The following MYO1H variants were observed in gnomAD, a reference collection of about 807,000 sequenced individuals.
MYO1H encodes unconventional myosin-Ih.
In MYO1H, 118 loss-of-function variants were observed where a neutral mutation model predicts 149.3. That is an observed-to-expected ratio of 0.79 (90% confidence interval 0.68 to 0.92). MYO1H has a LOEUF of 0.92. MYO1H is among the 40% of genes least tolerant of loss of function. MYO1H has a pLI of 0.00. For missense variants in MYO1H, 1,212 were observed against 1,280.7 expected, an observed-to-expected ratio of 0.95 and a Z score of 0.82; for synonymous variants, 447 against 465.2, an observed-to-expected ratio of 0.96 and a Z score of 0.50.
chr12:109,343,315 G>A (rs150514704), upstream of MYO1H, among the ~76,000 whole-genome samples: 1 of 152,126 alleles, frequency 6.6e-6, no homozygotes, highest in Non-Finnish European at 1.5e-5. Flanking sequence ...ATAAACTTCT[G>A]TGTAGAATGC....
rs142265037 is a variant in MYO1H at position 109,367,078 on chromosome 12, T to C, written c.12+19106T>C. ...GGATACTCAACCTGTATGTCAATTG[T>C]TATTTTATCATCTGCTACTTCCAGG... On this transcript the variant is annotated intron_variant, in intron 1 of 31. Transcript: ENST00000310903. Among the ~76,000 whole-genome samples, 131 of 152,344 alleles carry C rather than the reference T, an allele frequency of 8.6e-4. 1 individual carries two copies. The highest frequency in any genetic ancestry group is 3.0e-3 in the African/African-American group (123 of 41,584).
rs550655352 is a variant in MYO1H at position 109,363,791 on chromosome 12, A to C, written c.12+15819A>C. Among the ~76,000 whole-genome samples, 6 of 152,256 alleles carry C rather than the reference A, an allele frequency of 3.9e-5. No individual in the cohort carries two copies. The East Asian group carries it at 1.2e-3, about 29-fold the overall frequency. Reference sequence around the variant, plus strand: ...TACCTCTGGGAGAAGTCAGAGGAGGAGGCATAGATGCTGGTGGAGGAAAAA... The same window carrying C: ...TACCTCTGGGAGAAGTCAGAGGAGGCGGCATAGATGCTGGTGGAGGAAAAA... On this transcript the variant is annotated intron_variant, in intron 1 of 31. Coordinates refer to ENST00000310903, the Ensembl canonical transcript of MYO1H.
intron 1 of MYO1H, among the ~76,000 whole-genome samples, chr12:109,363,756 C>T (rs906957359): frequency 1.3e-5 from 2 of 151,726 alleles, no homozygotes; most frequent in Admixed American, 6.6e-5. Flanking sequence ...GTCCCACCTG[C>T]GAGAAGATGT....
chr12:109,402,527 G>A (rs1870208657), intron 6 of MYO1H, among the ~76,000 whole-genome samples: 1 of 152,158 alleles, frequency 6.6e-6, no homozygotes, highest in Non-Finnish European at 1.5e-5. Flanking sequence ...CAACACTTTG[G>A]GAGGCCAAGG....
At position 109,435,123 on chromosome 12, in the gene MYO1H, C is replaced by A. The variant is rs376320061; in HGVS notation, c.2140+10C>A. ...AGTAAACATCAACTAGGTATGATTT[C>A]TTTTTCTGTCCCGATTTCAATAGAA... On this transcript the variant is annotated intron_variant, in intron 21 of 31. Coordinates refer to ENST00000310903, the Ensembl canonical transcript of MYO1H. 20 of 1,559,136 alleles carry A rather than the reference C, an allele frequency of 1.3e-5. No individual in the cohort carries two copies. Among genetic ancestry groups the A allele is most frequent in the Non-Finnish European group, 1.7e-5 (19 of 1,137,438 alleles).
At chr12:109,408,225 G>A (rs1026339712) in intron 10 of MYO1H, among the ~76,000 whole-genome samples, 2 of 151,748 alleles carry the variant, frequency 1.3e-5, no homozygotes, top group Non-Finnish European at 2.9e-5. Flanking sequence ...CTCAGGCTGG[G>A]GTGCAGTGGT....
rs1491295494 is a variant in MYO1H at position 109,443,103 on chromosome 12, CGT to C, written c.2689-410_2689-409del. Reference sequence around the variant, plus strand: ...GTACGTATGTGTGTATATATGTGTACGTATATGTGTGTATATGTGTACGTATA... The same window carrying C: ...GTACGTATGTGTGTATATATGTGTACATATGTGTGTATATGTGTACGTATA... On this transcript the variant is annotated intron_variant, in intron 27 of 31. Coordinates refer to ENST00000310903, the Ensembl canonical transcript of MYO1H. Among the ~76,000 whole-genome samples the C allele has an allele frequency of 2.3e-4, 15 of 64,384 alleles. 1 individual carries two copies. The highest frequency in any genetic ancestry group is 1.0e-3 in the South Asian group (2 of 1,978). 42.2% of individuals were successfully genotyped at this position (64,384 alleles called of 152,430 possible).
chr12:109,350,916 G>A (rs891973908), intron 1 of MYO1H, among the ~76,000 whole-genome samples: 9 of 152,098 alleles, frequency 5.9e-5, no homozygotes, highest in Non-Finnish European at 1.3e-4. Context: ...TCTAAACCAG[G>A]ACAAATAATG....
At chr12:109,380,733 G>C (rs959360420) in intron 1 of MYO1H, among the ~76,000 whole-genome samples, 1 of 152,154 alleles carries the variant, frequency 6.6e-6, no homozygotes, top group Non-Finnish European at 1.5e-5. Flanking sequence ...ATCACTTCAG[G>C]TCAGGAGTTC....
At chr12:109,420,620 C>T (rs1376488886) in intron 15 of MYO1H, among the ~76,000 whole-genome samples, 1 of 152,218 alleles carries the variant, frequency 6.6e-6, no homozygotes, top group East Asian at 1.9e-4. Flanking sequence ...ATGATCCAAT[C>T]ACCCCCAACC....
the MYO1H span, among the ~76,000 whole-genome samples, chr12:109,326,378 G>C: frequency 6.6e-6 from 1 of 151,978 alleles, no homozygotes; most frequent in Admixed American, 6.5e-5. Flanking sequence ...CTCCACATGG[G>C]GGATGAGGAA....
intron 6 of MYO1H, 104 bp downstream of exon 6, chr12:109,401,376 G>C (rs1246355891): frequency 3.4e-6 from 4 of 1,187,282 alleles, no homozygotes; most frequent in Non-Finnish European, 4.7e-6. Context: ...TTACCATCCT[G>C]CTATGTGTCC....
chr12:109,428,194 C>T (rs558768857), intron 19 of MYO1H, among the ~76,000 whole-genome samples: 29 of 151,790 alleles, frequency 1.9e-4, no homozygotes, highest in Non-Finnish European at 3.5e-4. Flanking sequence ...AGGCCAAGTG[C>T]GTAGATCTGC....
In MYO1H at chr12:109,397,827, C is replaced by G; in HGVS notation, c.570+15C>G. ...TTGATTTTCAGGTACACTGAAGCTCCTATTACTGGTTCATGGGGACCCCTT... is the reference window on the plus strand; with the variant it reads ...TTGATTTTCAGGTACACTGAAGCTCGTATTACTGGTTCATGGGGACCCCTT... On this transcript the variant is annotated intron_variant, in intron 5 of 31. Transcript: ENST00000310903. 6.3e-7 allele frequency: 1 copy of G among 1,588,610 alleles called. No individual in the cohort carries two copies. The highest frequency in any genetic ancestry group is 2.3e-5 in the East Asian group (1 of 43,658).
intron 8 of MYO1H, 123 bp from the exon 9 acceptor site, chr12:109,406,666 A>T: frequency 1.2e-6 from 1 of 844,102 alleles, no homozygotes; most frequent in Non-Finnish European, 1.9e-6. Context: ...AGTTACAATG[A>T]GCTATGATTG....
intron 25 of MYO1H, 109 bp downstream of exon 25, chr12:109,440,936 A>C (rs1592821317): frequency 1.3e-6 from 1 of 782,928 alleles, no homozygotes; most frequent in East Asian, 2.7e-5. Context: ...GGGTCATGCT[A>C]GTCCCATGCT....
chr12:109,443,379 CACACACACACACACAT>C, intron 27 of MYO1H, 119 bp from the exon 28 acceptor site: 1 of 816,286 alleles, frequency 1.2e-6, no homozygotes, highest in Non-Finnish European at 1.9e-6. Context: ...CACACACACA[CACACACACACACACAT>C]ACACGCAAAA....
upstream of MYO1H, among the ~76,000 whole-genome samples, chr12:109,346,036 C>T (rs2048101641): frequency 6.6e-6 from 1 of 152,168 alleles, no homozygotes. Context: ...GATTGCACAA[C>T]ATTGTGAATC....
intron 2 of MYO1H, among the ~76,000 whole-genome samples, chr12:109,393,098 G>A (rs190419595): frequency 2.6e-5 from 4 of 152,144 alleles, no homozygotes; most frequent in South Asian, 4.1e-4. Context: ...ATGATCCACC[G>A]CGCCCGGCCA....
Sources: gnomAD v4.1 joint callset for allele counts (sites outside exome capture counted in the v4.1 genomes callset) on GRCh38, gnomAD v4.1.1 for gene constraint, MANE v1.5 for transcripts, NCBI Gene and HGNC (gene_info 2026-07-23, HGNC 2026-07-21) for gene names.